The following CPQ variants were observed in gnomAD, a reference collection of about 807,000 sequenced individuals.
CPQ encodes the protein carboxypeptidase Q, also known as Ser-Met dipeptidase.
A neutral mutation model predicts 45.7 loss-of-function variants in CPQ; 37 were observed. That is an observed-to-expected ratio of 0.81 (90% CI 0.62 to 1.07). The LOEUF is 1.07. Ranked by LOEUF, CPQ falls within the 50% of genes least tolerant of loss-of-function variation. CPQ has a pLI of 0.00. For missense variants in CPQ, 537 were observed against 572.9 expected, an observed-to-expected ratio of 0.94 and a Z score of 0.64; for synonymous variants, 186 against 205.8, an observed-to-expected ratio of 0.90 and a Z score of 0.82.
chr8:96,816,427 T>G (rs1364062721), intron 2 of CPQ, among the ~76,000 whole-genome samples: 1 of 152,174 alleles, frequency 6.6e-6, no homozygotes, highest in Non-Finnish European at 1.5e-5. Context: ...TACTTCCTCC[T>G]CTGAAGTCTT....
At chr8:97,027,976 T>C (rs1255028910) in intron 5 of CPQ, among the ~76,000 whole-genome samples, 1 of 152,198 alleles carries the variant, frequency 6.6e-6, no homozygotes, top group Non-Finnish European at 1.5e-5. Context: ...AGGAGGCCAC[T>C]GCAGCAATCC....
intron 4 of CPQ, among the ~76,000 whole-genome samples, chr8:96,884,240 C>T (rs1483527963): frequency 3.3e-5 from 5 of 152,140 alleles, no homozygotes; most frequent in African/African-American, 1.2e-4. Flanking sequence ...TCAGGTATCA[C>T]ATCCTATTCA....
intron 3 of CPQ, among the ~76,000 whole-genome samples, chr8:96,860,870 C>G (rs1811917192): frequency 6.6e-6 from 1 of 152,098 alleles, no homozygotes; most frequent in South Asian, 2.1e-4. Context: ...AAGCAAGAAA[C>G]TGTAGTATCT....
intron 3 of CPQ, among the ~76,000 whole-genome samples, chr8:96,874,700 A>T (rs367550103): frequency 6.6e-6 from 1 of 151,886 alleles, no homozygotes. Context: ...TAATTTCATC[A>T]TATGGCTATA....
chr8:96,821,685 C>T (rs1350807078), intron 2 of CPQ, among the ~76,000 whole-genome samples: 2 of 151,900 alleles, frequency 1.3e-5, no homozygotes, highest in Non-Finnish European at 2.9e-5. Context: ...GAAGACCCCT[C>T]CTATTTGCCA....
chr8:96,840,940 AT>A (rs1440310231), intron 3 of CPQ, among the ~76,000 whole-genome samples: 1 of 152,226 alleles, frequency 6.6e-6, no homozygotes, highest in East Asian at 1.9e-4. Context: ...TGTATGTTCC[AT>A]TGGGCAAACT....
chr8:96,976,157 T>TAATGTACACA (rs1813776793), intron 5 of CPQ, among the ~76,000 whole-genome samples: 1 of 141,978 alleles, frequency 7.0e-6, no homozygotes, highest in African/African-American at 2.7e-5. Flanking sequence ...GATACAAAAT[T>TAATGTACACA]AATGTACACA....
intron 2 of CPQ, among the ~76,000 whole-genome samples, chr8:96,792,431 C>T (rs1810860244): frequency 6.6e-6 from 1 of 152,216 alleles, no homozygotes; most frequent in African/African-American, 2.4e-5. Context: ...GAGCCCAACA[C>T]AGCAGGTCAT....
In CPQ at chr8:96,787,525, C is replaced by CTTTTTTTTTTTTTTTTTTTTTTT. The variant is rs71267281; in HGVS notation, c.433+2203_433+2225dup. ...TTGTAGTTTCATTTTCTTATAATGT[C>CTTTTTTTTTTTTTTTTTTTTTTT]TTTTTTTTTTTTTTTTTTTTTTTTT... On this transcript the variant is annotated intron_variant, in intron 2 of 7. Coordinates refer to ENST00000220763, the MANE Select transcript of CPQ (RefSeq NM_016134.4). Among the ~76,000 whole-genome samples the CTTTTTTTTTTTTTTTTTTTTTTT allele has an allele frequency of 7.9e-3, 378 of 47,588 alleles. 125 individuals carry two copies. The highest frequency in any genetic ancestry group is 0.019 in the East Asian group (17 of 894). The allele number at this position is 47,588 out of a possible 152,430, so 31.2% of individuals were successfully genotyped here. A position where few individuals can be genotyped will look rare whatever the true frequency, so the allele number is the denominator to read the frequency against.
intron 1 of CPQ, among the ~76,000 whole-genome samples, chr8:96,685,330 C>A (rs961981922): frequency 6.6e-6 from 1 of 151,694 alleles, no homozygotes; most frequent in Non-Finnish European, 1.5e-5. Context: ...TTTTTATAAA[C>A]CATCTCATTT....
At chr8:97,061,506 G>A (rs906094049) in intron 6 of CPQ, among the ~76,000 whole-genome samples, 2 of 152,130 alleles carry the variant, frequency 1.3e-5, no homozygotes, top group Non-Finnish European at 2.9e-5. Context: ...ATTCCTCTGG[G>A]TTGGAATTCT....
chr8:96,660,377 C>G (rs759232269), intron 1 of CPQ, among the ~76,000 whole-genome samples: 5 of 152,188 alleles, frequency 3.3e-5, no homozygotes, highest in Non-Finnish European at 5.9e-5. Context: ...CTGATAGTCT[C>G]ATTTTACCTT....
chr8:96,768,335 A>G (rs1293004198), intron 1 of CPQ, among the ~76,000 whole-genome samples: 1 of 151,400 alleles, frequency 6.6e-6, no homozygotes, highest in Non-Finnish European at 1.5e-5. Flanking sequence ...CCATTGGGAC[A>G]GAAAGGAATT....
chr8:97,075,674 G>T (rs1470122164), intron 7 of CPQ, among the ~76,000 whole-genome samples: 1 of 152,152 alleles, frequency 6.6e-6, no homozygotes, highest in Non-Finnish European at 1.5e-5. Context: ...TCAGCCATGT[G>T]AGATTTTTCT....
intron 5 of CPQ, among the ~76,000 whole-genome samples, chr8:96,981,781 A>C (rs1813902330): frequency 6.6e-6 from 1 of 152,240 alleles, no homozygotes; most frequent in Non-Finnish European, 1.5e-5. Context: ...TATAAACATT[A>C]ATTGAACACC....
intron 4 of CPQ, among the ~76,000 whole-genome samples, chr8:96,950,497 TCTC>T (rs1563536556): frequency 1.3e-5 from 2 of 151,896 alleles, no homozygotes; most frequent in Non-Finnish European, 2.9e-5. Context: ...GGTTGGAGGG[TCTC>T]CTCCTCCCCT....
intron 1 of CPQ, among the ~76,000 whole-genome samples, chr8:96,667,390 CT>C (rs1214190463): frequency 6.7e-6 from 1 of 150,142 alleles, no homozygotes; most frequent in East Asian, 1.9e-4. Flanking sequence ...ACACTGTCAC[CT>C]GGGCTGAAGT....
intron 6 of CPQ, among the ~76,000 whole-genome samples, chr8:97,034,654 G>T (rs1809965365): frequency 6.6e-6 from 1 of 152,078 alleles, no homozygotes; most frequent in Admixed American, 6.5e-5. Flanking sequence ...CCAGATCAAG[G>T]TATATAGCAT....
At chr8:96,646,402 G>A (rs764343017) in intron 1 of CPQ, among the ~76,000 whole-genome samples, 16 of 152,172 alleles carry the variant, frequency 1.1e-4, no homozygotes, top group Non-Finnish European at 2.2e-4. Context: ...TGACTCTGAA[G>A]GCAGAACCAT....
Sources: allele counts gnomAD v4.1 joint callset (sites outside exome capture counted in the v4.1 genomes callset), GRCh38; gene constraint gnomAD v4.1.1; transcripts MANE v1.5; gene names NCBI Gene and HGNC (gene_info 2026-07-23, HGNC 2026-07-21).